Variants in ATRNL1 observed in about 807,000 individuals in gnomAD.
ATRNL1 encodes the protein attractin like 1, also known as attractin-like protein 1.
ATRNL1 carries 95 observed loss-of-function variants against 182.7 expected under a neutral mutation model. That is an observed-to-expected ratio of 0.52 (90% CI 0.44 to 0.62). ATRNL1 has a LOEUF of 0.62. Among genes scored for constraint, ATRNL1 ranks in the 20% least tolerant of loss-of-function variants. The pLI is 0.00. For synonymous variants in ATRNL1, 576 were observed against 568.3 expected, an observed-to-expected ratio of 1.01 and a Z score of -0.19; for missense variants, 1,471 against 1,679.5, an observed-to-expected ratio of 0.88 and a Z score of 2.17.
At chr10:115,464,146 C>T (rs1203779438) in intron 22 of ATRNL1, among the ~76,000 whole-genome samples, 5 of 151,884 alleles carry the variant, frequency 3.3e-5, no homozygotes, top group East Asian at 1.9e-4. Context: ...TGAAGCTTAA[C>T]GATGCATAAC....
intron 8 of ATRNL1, among the ~76,000 whole-genome samples, chr10:115,179,875 TTAATA>T (rs1448474619): frequency 1.3e-5 from 2 of 152,164 alleles, no homozygotes; most frequent in Non-Finnish European, 2.9e-5. Flanking sequence ...ATGTGAAAGA[TTAATA>T]TATTTATCAT....
At chr10:115,564,904 A>C (rs1175956994) in intron 26 of ATRNL1, among the ~76,000 whole-genome samples, 1 of 151,956 alleles carries the variant, frequency 6.6e-6, no homozygotes, top group East Asian at 1.9e-4. Context: ...AATTATTATA[A>C]TTCTGAATTA....
At chr10:115,265,441 T>G (rs1403787540) in intron 11 of ATRNL1, among the ~76,000 whole-genome samples, 164 bp downstream of exon 11, 3 of 151,696 alleles carry the variant, frequency 2.0e-5, no homozygotes, top group Non-Finnish European at 4.4e-5. Flanking sequence ...AATCATATCT[T>G]TTTTTCCTTT....
chr10:115,740,720 G>A (rs1303237037), intron 27 of ATRNL1, among the ~76,000 whole-genome samples: 1 of 151,930 alleles, frequency 6.6e-6, no homozygotes, highest in Non-Finnish European at 1.5e-5. Context: ...TGGCCAGGCT[G>A]GCCTCAAACT....
intron 24 of ATRNL1, among the ~76,000 whole-genome samples, chr10:115,481,266 C>A (rs1433256763): frequency 3.3e-5 from 5 of 150,162 alleles, no homozygotes; most frequent in African/African-American, 1.2e-4. Context: ...CTTCCATAGT[C>A]TGTTACTGGA....
intron 28 of ATRNL1, among the ~76,000 whole-genome samples, chr10:115,944,299 A>C (rs1953819254): frequency 6.7e-6 from 1 of 150,208 alleles, no homozygotes; most frequent in African/African-American, 2.5e-5. Flanking sequence ...AAAAAAAAAA[A>C]AAAATAGTAA....
At chr10:115,681,361 G>C (rs781824598) in intron 26 of ATRNL1, among the ~76,000 whole-genome samples, 1 of 151,980 alleles carries the variant, frequency 6.6e-6, no homozygotes, top group African/African-American at 2.4e-5. Flanking sequence ...AGACTTTTAC[G>C]TGTGTTATCT....
At chr10:115,107,626 T>G (rs1414861789) in intron 1 of ATRNL1, among the ~76,000 whole-genome samples, 17 of 152,174 alleles carry the variant, frequency 1.1e-4, no homozygotes, top group African/African-American at 4.1e-4. Flanking sequence ...CCCATGGCCC[T>G]ATTAGGCATT....
chr10:115,675,472 T>G (rs1262262924), intron 26 of ATRNL1, among the ~76,000 whole-genome samples: 1 of 152,072 alleles, frequency 6.6e-6, no homozygotes, highest in Middle Eastern at 3.2e-3. Flanking sequence ...GGGTATATTA[T>G]TTATCTGCTT....
chr10:115,456,228 A>T (rs1554968673), intron 21 of ATRNL1, among the ~76,000 whole-genome samples: 2 of 152,202 alleles, frequency 1.3e-5, no homozygotes, highest in Admixed American at 1.3e-4. Context: ...AAGGCTTGGA[A>T]CCAACCCAAA....
chr10:115,674,923 T>C (rs1037036681), intron 26 of ATRNL1, among the ~76,000 whole-genome samples: 1 of 152,228 alleles, frequency 6.6e-6, no homozygotes, highest in Middle Eastern at 3.4e-3. Context: ...CTTTATGAAA[T>C]ATGTCATGAC....
At chr10:115,926,658 A>C (rs1227881895) in intron 28 of ATRNL1, among the ~76,000 whole-genome samples, 2 of 152,192 alleles carry the variant, frequency 1.3e-5, no homozygotes, top group African/African-American at 4.8e-5. Flanking sequence ...TAGAAAATCT[A>C]GAAGAAATGG....
intron 21 of ATRNL1, among the ~76,000 whole-genome samples, chr10:115,442,020 T>G (rs1554965827): frequency 6.6e-6 from 1 of 152,010 alleles, no homozygotes; most frequent in Non-Finnish European, 1.5e-5. Flanking sequence ...TTTAGAAGCT[T>G]CCTTGTGTAG....
chr10:115,116,592 G>A (rs149582896), intron 1 of ATRNL1, among the ~76,000 whole-genome samples: 5 of 152,164 alleles, frequency 3.3e-5, no homozygotes, highest in South Asian at 4.1e-4. Flanking sequence ...TGCAGGTAAA[G>A]GTTCTTGGAG....
intron 9 of ATRNL1, among the ~76,000 whole-genome samples, chr10:115,236,412 C>G (rs571282036): frequency 4.9e-4 from 75 of 152,274 alleles, no homozygotes; most frequent in African/African-American, 1.7e-3. Flanking sequence ...ATTTGTAAAT[C>G]TCTTCTGCCA....
intron 10 of ATRNL1, among the ~76,000 whole-genome samples, chr10:115,243,272 T>C (rs1850497117): frequency 6.6e-6 from 1 of 152,078 alleles, no homozygotes; most frequent in Admixed American, 6.5e-5. Flanking sequence ...ATTTTTTTCA[T>C]ATTGTTGAAG....
intron 24 of ATRNL1, among the ~76,000 whole-genome samples, chr10:115,508,818 G>A (rs1850244203): frequency 1.3e-5 from 2 of 152,000 alleles, no homozygotes. Flanking sequence ...AGCAGTAAGT[G>A]CTGATATAGA....
chr10:115,321,949 G>T (rs1854606197), intron 18 of ATRNL1, among the ~76,000 whole-genome samples: 3 of 151,972 alleles, frequency 2.0e-5, no homozygotes, highest in Admixed American at 2.0e-4. Flanking sequence ...ACAAAAATCA[G>T]TAGCATTTTC....
intron 24 of ATRNL1, among the ~76,000 whole-genome samples, chr10:115,508,765 G>A (rs529088801): frequency 2.6e-5 from 4 of 152,076 alleles, no homozygotes; most frequent in Admixed American, 1.3e-4. Flanking sequence ...GGTTTATGAG[G>A]TTTAAGTAAG....
Sources: allele counts gnomAD v4.1 joint callset (sites outside exome capture counted in the v4.1 genomes callset), GRCh38; gene constraint gnomAD v4.1.1; transcripts MANE v1.5; gene names NCBI Gene and HGNC (gene_info 2026-07-23, HGNC 2026-07-21).